Variants in ZZEF1 observed in about 807,000 individuals in gnomAD.
ZZEF1 encodes the protein zinc finger ZZ-type and EF-hand domain containing 1.
ZZEF1 carries 157 observed loss-of-function variants against 342.8 expected under a neutral mutation model. That is an observed-to-expected ratio of 0.46 (90% CI 0.40 to 0.52). ZZEF1 has a LOEUF of 0.52. Ranked by LOEUF, ZZEF1 falls within the 20% of genes least tolerant of loss-of-function variation. ZZEF1 has a pLI of 0.00. For missense variants in ZZEF1, 3,480 were observed against 3,725.6 expected (o/e 0.93, Z 1.72); for synonymous variants, 1,505 against 1,429.1 (o/e 1.05, Z -1.20).
chr17:4,023,864 A>G (rs374262732), intron 43 of ZZEF1, among the ~76,000 whole-genome samples: 28 of 152,162 alleles, frequency 1.8e-4, no homozygotes, highest in African/African-American at 6.5e-4. Context: ...ACCCACAAAC[A>G]AACAAACCAA....
At chr17:4,129,383 T>C (rs563452704) in intron 1 of ZZEF1, among the ~76,000 whole-genome samples, 17 of 152,342 alleles carry the variant, frequency 1.1e-4, no homozygotes, top group African/African-American at 3.1e-4. Flanking sequence ...ACTGGGTATA[T>C]ACCCAGAGGA....
chr17:4,102,743 G>C (rs1364092772), intron 8 of ZZEF1, among the ~76,000 whole-genome samples: 1 of 152,098 alleles, frequency 6.6e-6, no homozygotes, highest in Non-Finnish European at 1.5e-5. Flanking sequence ...CTAAGATACT[G>C]TTTTGGAGCC....
Position 4,022,766 on chromosome 17 carries a change from C to T in ZZEF1, c.7155G>A (p.Val2385=). The T allele has an allele frequency of 6.2e-7, 1 of 1,613,864 alleles. No individual in the cohort carries two copies. The highest frequency in any genetic ancestry group is 8.5e-7 in the Non-Finnish European group (1 of 1,179,984). ...FLQTDLLKLL[V]KKCSKGTGFS... The stretch of plus-strand genomic sequence containing the variant: ...AGCCAGTCCCTTTGCTGCACTTTTT[C>T]ACCAGCAACTTCAGCAAATCGGTCT... The change falls in exon 44 of 55, where the codon GTG becomes GTA. Residue 2385 remains valine, a synonymous_variant. Coordinates refer to ENST00000381638, the MANE Select transcript of ZZEF1 (RefSeq NM_015113.4).
chr17:4,086,329 GGGGGATTCCCACAGCGGCAATCC>G, intron 15 of ZZEF1, among the ~76,000 whole-genome samples, 134 bp downstream of exon 15: 1 of 136,026 alleles, frequency 7.4e-6, no homozygotes, highest in African/African-American at 3.2e-5. Flanking sequence ...ATCCCTTTCT[GGGGGATTCCCACAGCGGCAATCC>G]CTTTCTGGGG....
In ZZEF1 at chr17:4,095,943, C is replaced by A. The variant is rs764270868; in HGVS notation, c.1801G>T (p.Val601Leu). The change falls in exon 11 of 55, where the codon GTG (valine) becomes TTG (leucine). Residue 601 changes from valine to leucine, a missense_variant. Around this residue, in one of 5 missense-constraint regions of ZZEF1, gnomAD observed 1,528 missense variants for 1,624.1 expected, o/e 0.94. Transcript: ENST00000381638. ...RGGIGAQCGL[V>L]FAYNSSSDKF... ...TCTGAAGATGAGTTATAGGCAAACACCAACCCACACTGGGCACCAATGCCA... is the reference window on the plus strand; with the variant it reads ...TCTGAAGATGAGTTATAGGCAAACAACAACCCACACTGGGCACCAATGCCA... 6.2e-7 allele frequency: 1 copy of A among 1,613,118 alleles called. No individual in the cohort carries two copies. The highest frequency in any genetic ancestry group is 1.7e-5 in the Admixed American group (1 of 59,988).
chr17:4,132,099 C>T (rs1307856668), intron 1 of ZZEF1, among the ~76,000 whole-genome samples: 1 of 152,054 alleles, frequency 6.6e-6, no homozygotes, highest in East Asian at 1.9e-4. Flanking sequence ...GGGAATGAGA[C>T]ATTGGGACAG....
Position 4,096,694 on chromosome 17 carries a change from A to C in ZZEF1, c.1679T>G (p.Leu560Arg), listed in dbSNP as rs1223935113. Reference protein sequence around the residue: ...LVEPWTRDGFLTETGKTRAST... With the variant: ...LVEPWTRDGFRTETGKTRAST... ...GGCTCTGGTTTTTCCAGTTTCCGTAAGAAAACCTGAAAAAAGGGAAAACTC... is the reference window on the plus strand; with the variant it reads ...GGCTCTGGTTTTTCCAGTTTCCGTACGAAAACCTGAAAAAAGGGAAAACTC... Residue 560 changes from leucine to arginine, a missense_variant, in exon 10 of 55, where the codon CTT becomes CGT. Around this residue, in one of 5 missense-constraint regions of ZZEF1, gnomAD observed 1,528 missense variants for 1,624.1 expected, o/e 0.94. Coordinates refer to ENST00000381638, the MANE Select transcript of ZZEF1 (RefSeq NM_015113.4). The C allele has an allele frequency of 6.2e-7, 1 of 1,613,936 alleles. No homozygotes were observed. Among genetic ancestry groups the C allele is most frequent in the Non-Finnish European group, 8.5e-7 (1 of 1,179,944 alleles).
chr17:4,051,876 T>A, intron 35 of ZZEF1, 95 bp downstream of exon 35: 1 of 1,341,634 alleles, frequency 7.5e-7, no homozygotes, highest in South Asian at 1.5e-5. Context: ...AATTTTTAAA[T>A]AAAAAAAACT....
intron 37 of ZZEF1, among the ~76,000 whole-genome samples, chr17:4,044,956 C>T (rs1419591119): frequency 1.3e-5 from 2 of 152,070 alleles, no homozygotes; most frequent in Admixed American, 1.3e-4. Flanking sequence ...GAGTTCAACA[C>T]CAGCATGGCC....
At chr17:4,076,349 G>A in intron 21 of ZZEF1, 1 of 191,530 alleles carries the variant, frequency 5.2e-6, no homozygotes, top group Non-Finnish European at 1.1e-5. Context: ...TAGCCAGGAT[G>A]GTCTCGATCT....
At chr17:4,083,750 G>A (rs2057768550) in intron 16 of ZZEF1, among the ~76,000 whole-genome samples, 1 of 150,754 alleles carries the variant, frequency 6.6e-6, no homozygotes, top group Admixed American at 6.6e-5. Context: ...CAATTCTCCT[G>A]CTTCGACCTC....
chr17:4,142,624 C>T lies in ZZEF1; in HGVS notation c.272G>A (p.Gly91Asp). The part of the protein sequence containing the change: ...FRWLEERLGR[G>D]EESVTLEQFR... The stretch of plus-strand genomic sequence containing the variant: ...CTGCTCCAGAGTGACAGACTCTTCG[C>T]CGCGGCCCAGCCGCTCTTCCAGCCA... The change falls in exon 1 of 55, where the codon GGC becomes GAC. Residue 91 changes from glycine (G) to aspartate (D), a missense_variant. Transcript: ENST00000381638. 1 of 1,605,270 alleles carries T rather than the reference C, an allele frequency of 6.2e-7. No homozygotes were observed. The highest frequency in any genetic ancestry group is 1.3e-5 in the African/African-American group (1 of 75,002).
chr17:4,045,830 GTT>G (rs35957444), intron 37 of ZZEF1, among the ~76,000 whole-genome samples: 173 of 137,236 alleles, frequency 1.3e-3, no homozygotes, highest in African/African-American at 1.7e-3. Context: ...TTTTGTTCTT[GTT>G]TTTTTTTTTT....
In ZZEF1 at chr17:4,034,112, T is replaced by TG; in HGVS notation, c.6486dup (p.Lys2163GlnfsTer25). Reference sequence around the variant, plus strand: ...TCCCCTGCAGCAAACAGGTTGTGTTTGGCTGAGAGGACTTTGATCACTGCG... The same window carrying TG: ...TCCCCTGCAGCAAACAGGTTGTGTTTGGGCTGAGAGGACTTTGATCACTGCG... On this transcript the variant is annotated frameshift_variant, in exon 40 of 55. Coordinates refer to ENST00000381638, the MANE Select transcript of ZZEF1 (RefSeq NM_015113.4). LOFTEE classifies it high-confidence loss of function. 1 of 1,614,226 alleles carries TG rather than the reference T, an allele frequency of 6.2e-7. No homozygotes were observed. Among genetic ancestry groups the TG allele is most frequent in the Non-Finnish European group, 8.5e-7 (1 of 1,180,052 alleles).
chr17:4,054,181 A>G lies in ZZEF1; in HGVS notation c.5310T>C (p.Ile1770=), dbSNP rs773186177. 1 of 1,612,550 alleles carries G rather than the reference A, an allele frequency of 6.2e-7. No individual in the cohort carries two copies. The highest frequency in any genetic ancestry group is 1.7e-5 in the Admixed American group (1 of 59,760). The part of the protein sequence containing the change: ...PEKQRKMHMF[I]ARYCDLLNVD... ...CATTTAACAGGTCACAGTAGCGAGC[A>G]ATGAACATGTGCATCTGTAAGGCCA... is the stretch of plus-strand genomic sequence containing the variant. The change falls in exon 34 of 55, where the codon ATT becomes ATC. Residue 1770 remains isoleucine, a synonymous_variant. Transcript: ENST00000381638.
chr17:4,094,344 TCTCA>T (rs2057996909), intron 11 of ZZEF1, among the ~76,000 whole-genome samples: 4 of 151,328 alleles, frequency 2.6e-5, no homozygotes, highest in African/African-American at 9.7e-5. Flanking sequence ...GAGATGGGGG[TCTCA>T]CTATGTTGCT....
At chr17:4,041,355 C>T (rs1003596180) in intron 39 of ZZEF1, among the ~76,000 whole-genome samples, 1 of 152,098 alleles carries the variant, frequency 6.6e-6, no homozygotes, top group African/African-American at 2.4e-5. Context: ...ATAAATCAGC[C>T]TCAACTCCCA....
intron 46 of ZZEF1, among the ~76,000 whole-genome samples, chr17:4,019,395 G>A (rs2056203939): frequency 6.6e-6 from 1 of 152,164 alleles, no homozygotes; most frequent in Non-Finnish European, 1.5e-5. Context: ...AGACATCTTG[G>A]TGCCTGCCCA....
chr17:4,101,466 C>T (rs114909935), intron 9 of ZZEF1, among the ~76,000 whole-genome samples: 5 of 152,018 alleles, frequency 3.3e-5, no homozygotes, highest in Admixed American at 1.3e-4. Flanking sequence ...GCCAACAAGA[C>T]GAATGAGAGA....
Sources: gnomAD v4.1 joint callset for allele counts (sites outside exome capture counted in the v4.1 genomes callset) on GRCh38, gnomAD v4.1.1 for gene constraint, gnomAD v4.1.1 regional missense constraint, MANE v1.5 for transcripts, NCBI Gene and HGNC (gene_info 2026-07-23, HGNC 2026-07-21) for gene names.